FZD3: variants seen among roughly 807,000 people sequenced by gnomAD.
The protein encoded by FZD3 is frizzled class receptor 3, also known as frizzled-3.
In FZD3, 30 loss-of-function variants were observed where a neutral mutation model predicts 60.7. The ratio of observed to expected loss-of-function variants is 0.49; its 90% CI spans 0.37 to 0.67. FZD3 has a LOEUF of 0.67. Ranked by LOEUF, FZD3 falls within the 30% of genes least tolerant of loss-of-function variation. The pLI, the probability that FZD3 is intolerant of heterozygous loss-of-function variation, is 0.00. For missense variants in FZD3, 605 were observed against 838.7 expected, an observed-to-expected ratio of 0.72 and a Z score of 3.44; for synonymous variants, 246 against 275.2, an observed-to-expected ratio of 0.89 and a Z score of 1.05.
chr8:28,563,219 C>T lies in FZD3; in HGVS notation c.*208C>T. The T allele has an allele frequency of 1.9e-6, 1 of 534,506 alleles. No individual in the cohort carries two copies. The highest frequency in any genetic ancestry group is 3.4e-6 in the Non-Finnish European group (1 of 295,946). 33.1% of individuals were successfully genotyped at this position (534,506 alleles called of 1,614,324 possible). A position where few individuals can be genotyped will look rare whatever the true frequency, so the allele number is the denominator to read the frequency against. ...CAAAACACTAAGAATTCTATCATCA[C>T]AAAAATAATTCGTCTTTCTAGGTTA... is the stretch of plus-strand genomic sequence containing the variant. On this transcript the variant is annotated 3_prime_UTR_variant, in exon 8 of 8. Coordinates refer to ENST00000240093, the MANE Select transcript of FZD3 (RefSeq NM_017412.4).
At chr8:28,536,783 G>C (rs1805027156) in intron 5 of FZD3, among the ~76,000 whole-genome samples, 1 of 152,148 alleles carries the variant, frequency 6.6e-6, no homozygotes, top group East Asian at 1.9e-4. Flanking sequence ...CATCCCATCT[G>C]TTGTTTTATC....
intron 5 of FZD3, among the ~76,000 whole-genome samples, chr8:28,534,000 A>G (rs1362478576): frequency 6.6e-6 from 1 of 152,220 alleles, no homozygotes; most frequent in African/African-American, 2.4e-5. Context: ...TATAGACTTC[A>G]TTGTGGGTAA....
At position 28,527,547 on chromosome 8, in the gene FZD3, G is replaced by C; in HGVS notation, c.787G>C (p.Ala263Pro). The C allele has an allele frequency of 6.2e-7, 1 of 1,613,972 alleles. No individual in the cohort carries two copies. The highest frequency in any genetic ancestry group is 1.7e-5 in the Admixed American group (1 of 60,006). ...FIGFLLEDRVACNASIPAQYK... is the reference protein window; with the variant it reads ...FIGFLLEDRVPCNASIPAQYK... ...TGGATTTTTGCTTGAAGATCGAGTA[G>C]CCTGCAATGCATCCATCCCTGCACA... is the stretch of plus-strand genomic sequence containing the variant. Residue 263 changes from alanine (A) to proline (P), a missense_variant, in exon 5 of 8, where the codon GCC (alanine) becomes CCC (proline). By Grantham distance (27) the Ala-to-Pro change is conservative. Coordinates refer to ENST00000240093, the MANE Select transcript of FZD3 (RefSeq NM_017412.4). The surrounding 1 kb of genome is among the most constrained non-coding windows in gnomAD (Gnocchi z 5.0).
At chr8:28,495,953 C>T (rs535232898) in intron 1 of FZD3, among the ~76,000 whole-genome samples, 3 of 152,236 alleles carry the variant, frequency 2.0e-5, no homozygotes, top group African/African-American at 7.2e-5. Flanking sequence ...TCATCCACTA[C>T]TAAAATTCTC....
intron 5 of FZD3, among the ~76,000 whole-genome samples, chr8:28,535,001 T>C (rs1179436496): frequency 9.2e-5 from 14 of 152,210 alleles, no homozygotes; most frequent in Admixed American, 5.9e-4. Context: ...TTTGAATATA[T>C]TTGCTTAAAA....
At position 28,527,831 on chromosome 8, in the gene FZD3, T is replaced by C. The variant is rs1236100843; in HGVS notation, c.1071T>C (p.Ile357=). The change falls in exon 5 of 8, where the codon ATT becomes ATC. Residue 357 remains isoleucine, a synonymous_variant. Transcript: ENST00000240093. This position sits in a 1 kb window ranked among gnomAD's most constrained non-coding sequence, Gnocchi z 5.0. ...TGAATAAAATTGAAGGTGACAATAT[T>C]AGTGGCGTGTGTTTTGTTGGCCTCT... ...LAMNKIEGDN[I]SGVCFVGLYD... The C allele has an allele frequency of 6.2e-7, 1 of 1,613,950 alleles. No homozygotes were observed. Among genetic ancestry groups the C allele is most frequent in the African/African-American group, 1.3e-5 (1 of 74,932 alleles).
At chr8:28,549,662 A>G (rs1171527781) in intron 5 of FZD3, among the ~76,000 whole-genome samples, 4 of 152,102 alleles carry the variant, frequency 2.6e-5, no homozygotes, top group African/African-American at 9.7e-5. Context: ...AAATATTTCT[A>G]GTGGCTTTTG....
chr8:28,509,982 A>G (rs993225104), intron 3 of FZD3, among the ~76,000 whole-genome samples: 14 of 152,172 alleles, frequency 9.2e-5, no homozygotes, highest in Admixed American at 2.0e-4. Flanking sequence ...TGTTAATTCC[A>G]TGTTTAATTT....
At chr8:28,495,232 T>G (rs1209271479) in intron 1 of FZD3, among the ~76,000 whole-genome samples, 3 of 152,142 alleles carry the variant, frequency 2.0e-5, no homozygotes, top group African/African-American at 7.2e-5. Flanking sequence ...GTGCCATGAA[T>G]TGAGGCAGAG....
Position 28,519,773 on chromosome 8 carries a change from A to G in FZD3, c.190-865A>G, listed in dbSNP as rs1804525432. ...ACCAAGAAAATTTCAGCCCAAAGTG[A>G]GAGACCTTTCCCCGCCCTCAATGCC... On this transcript the variant is annotated intron_variant, in intron 3 of 7. Coordinates refer to ENST00000240093, the MANE Select transcript of FZD3 (RefSeq NM_017412.4). Among the ~76,000 whole-genome samples the G allele has an allele frequency of 2.0e-5, 3 of 150,982 alleles. No homozygotes were observed. In the South Asian group the frequency reaches 6.3e-4, roughly 32 times the overall value.
At chr8:28,538,861 T>C (rs1805088471) in intron 5 of FZD3, among the ~76,000 whole-genome samples, 1 of 149,102 alleles carries the variant, frequency 6.7e-6, no homozygotes, top group African/African-American at 2.4e-5. Flanking sequence ...ATATATTTTA[T>C]ATATATATAA....
intron 3 of FZD3, among the ~76,000 whole-genome samples, chr8:28,510,372 A>G (rs561697137): frequency 6.6e-6 from 1 of 152,292 alleles, no homozygotes; most frequent in South Asian, 2.1e-4. Context: ...TTTCCTTGAT[A>G]TTGCCAGACC....
chr8:28,494,818 A>T (rs1803797246), intron 1 of FZD3, among the ~76,000 whole-genome samples: 1 of 151,950 alleles, frequency 6.6e-6, no homozygotes, highest in Non-Finnish European at 1.5e-5. Context: ...TAGGCGGAAG[A>T]CAATGCTCCG....
chr8:28,508,425 C>CTTTTTT (rs35048077), intron 3 of FZD3, among the ~76,000 whole-genome samples: 1 of 129,842 alleles, frequency 7.7e-6, no homozygotes, highest in Non-Finnish European at 1.6e-5. Context: ...CTAGGGAATA[C>CTTTTTT]TTTTTTTTTT....
chr8:28,517,759 A>AATT (rs1563387462), intron 3 of FZD3, among the ~76,000 whole-genome samples: 1 of 152,150 alleles, frequency 6.6e-6, no homozygotes, highest in Non-Finnish European at 1.5e-5. Flanking sequence ...TTTGATGCTT[A>AATT]AATTCTAATT....
At chr8:28,561,958 T>C (rs1368376022) in intron 7 of FZD3, among the ~76,000 whole-genome samples, 1 of 152,138 alleles carries the variant, frequency 6.6e-6, no homozygotes, top group Non-Finnish European at 1.5e-5. Context: ...ATGGCAAAGC[T>C]CAGTGAGTCA....
intron 5 of FZD3, 33 bp from the exon 6 acceptor site, chr8:28,551,570 A>G (rs1805411390): frequency 2.0e-6 from 3 of 1,474,068 alleles, no homozygotes; most frequent in East Asian, 4.5e-5. Context: ...TTATTTTTAT[A>G]TATTTAAGAT....
Position 28,539,463 on chromosome 8 carries a change from G to A in FZD3, c.1404+11299G>A, listed in dbSNP as rs112961104. ...CTTAATTACTATAACATAATAAGCC[G>A]TTATATTTGATAGGACAAGTGGGTG... On this transcript the variant is annotated intron_variant, in intron 5 of 7. Transcript: ENST00000240093. Among the ~76,000 whole-genome samples, 33 of 152,232 alleles carry A rather than the reference G, an allele frequency of 2.2e-4. 1 individual carries two copies. Among genetic ancestry groups the A allele is most frequent in the East Asian group, 1.9e-3 (10 of 5,186 alleles).
chr8:28,496,919 G>A (rs1224604792), intron 1 of FZD3, among the ~76,000 whole-genome samples: 1 of 151,754 alleles, frequency 6.6e-6, no homozygotes, highest in East Asian at 1.9e-4. Flanking sequence ...GAAAGCAGGG[G>A]CTTGGTATTA....
Sources: allele counts gnomAD v4.1 joint callset (sites outside exome capture counted in the v4.1 genomes callset), GRCh38; gene constraint gnomAD v4.1.1; non-coding constraint Gnocchi (gnomAD v3.1); transcripts MANE v1.5; gene names NCBI Gene and HGNC (gene_info 2026-07-23, HGNC 2026-07-21).